RNASE4: variants seen among roughly 807,000 people sequenced by gnomAD.
RNASE4 encodes the protein ribonuclease A family member 4.
For missense variants in RNASE4, 194 were observed against 192.8 expected, an observed-to-expected ratio of 1.01 and a Z score of -0.04; for synonymous variants, 93 against 71.4, an observed-to-expected ratio of 1.30 and a Z score of -1.52.
intron 1 of RNASE4, among the ~76,000 whole-genome samples, chr14:20,689,235 A>G (rs1461630049): frequency 6.6e-6 from 1 of 152,230 alleles, no homozygotes; most frequent in Non-Finnish European, 1.5e-5. Context: ...TGTTTTTAGC[A>G]TTGTTTCCTT....
intron 1 of RNASE4, among the ~76,000 whole-genome samples, chr14:20,691,138 T>C (rs1467281912): frequency 6.6e-6 from 1 of 152,222 alleles, no homozygotes; most frequent in East Asian, 1.9e-4. Context: ...CCACAAGTTA[T>C]ACAGCATTGG....
intron 1 of RNASE4, among the ~76,000 whole-genome samples, chr14:20,685,118 G>A (rs1305154103): frequency 6.6e-6 from 1 of 152,136 alleles, no homozygotes; most frequent in Non-Finnish European, 1.5e-5. Flanking sequence ...CCAGCTTTTT[G>A]AAGCAGGCCT....
At position 20,693,583 on chromosome 14, in the gene RNASE4, GTTT is replaced by G. The variant is rs779244277; in HGVS notation, c.-17-5770_-17-5768del. ...GGAAGAGATGGTGATGGGCCTGGGC[GTTT>G]TGTTGTTGGTCTTCGTGCTGGGTCT... On this transcript the variant is annotated intron_variant, in intron 1 of 1. Transcript: ENST00000555835. 1.9e-6 allele frequency: 3 copies of G among 1,613,128 alleles called. No homozygotes were observed. The East Asian group carries it at 6.7e-5, about 36-fold the overall frequency.
chr14:20,685,041 G>A (rs896849803), intron 1 of RNASE4, among the ~76,000 whole-genome samples: 9 of 152,140 alleles, frequency 5.9e-5, no homozygotes, highest in African/African-American at 2.2e-4. Context: ...CCGAACCTAA[G>A]GGAAGCCCTA....
At chr14:20,695,381 C>A (rs193036224) in intron 1 of RNASE4, among the ~76,000 whole-genome samples, 108 of 140,090 alleles carry the variant, frequency 7.7e-4, no homozygotes, top group African/African-American at 2.8e-3. Context: ...GGCGACAGAG[C>A]GAGACTCCAT....
At chr14:20,689,508 G>A (rs2139007002) in intron 1 of RNASE4, among the ~76,000 whole-genome samples, 1 of 152,320 alleles carries the variant, frequency 6.6e-6, no homozygotes, top group South Asian at 2.1e-4. Context: ...TAACTCCCTG[G>A]TGTGTAAAAT....
intron 1 of RNASE4, among the ~76,000 whole-genome samples, chr14:20,695,653 T>C (rs988392306): frequency 5.3e-5 from 8 of 152,220 alleles, no homozygotes; most frequent in African/African-American, 1.9e-4. Context: ...AACACATAAT[T>C]ATTGTGGTCT....
intron 1 of RNASE4, among the ~76,000 whole-genome samples, chr14:20,697,713 T>A (rs1358543565): frequency 4.6e-5 from 7 of 152,196 alleles, no homozygotes; most frequent in Admixed American, 3.3e-4. Context: ...CCCATATACA[T>A]CAAACTAGGA....
At chr14:20,695,351 C>T (rs144616272) in intron 1 of RNASE4, among the ~76,000 whole-genome samples, 8,193 of 150,930 alleles carry the variant, frequency 0.054, 357 homozygotes, top group East Asian at 0.19. Context: ...GCCGAGATCA[C>T]GCCACTGCAC....
intron 1 of RNASE4, among the ~76,000 whole-genome samples, chr14:20,685,730 A>G (rs573184863): frequency 1.3e-5 from 2 of 152,284 alleles, no homozygotes; most frequent in Admixed American, 6.5e-5. Context: ...TTGTCTAGAA[A>G]GTACTAGTAT....
At chr14:20,689,667 C>T (rs940119104) in intron 1 of RNASE4, among the ~76,000 whole-genome samples, 22 of 151,990 alleles carry the variant, frequency 1.4e-4, no homozygotes, top group Non-Finnish European at 2.4e-4. Context: ...CTGTAATCCC[C>T]GCACTTTGGG....
intron 1 of RNASE4, among the ~76,000 whole-genome samples, chr14:20,685,951 ACT>A (rs1229294977): frequency 1.3e-5 from 2 of 151,062 alleles, no homozygotes; most frequent in East Asian, 1.9e-4. Context: ...GAGACAGGAG[ACT>A]CTCTTGAACC....
intron 1 of RNASE4, among the ~76,000 whole-genome samples, chr14:20,691,263 T>C (rs2139013845): frequency 6.6e-6 from 1 of 152,360 alleles, no homozygotes; most frequent in South Asian, 2.1e-4. Context: ...TCCTGATTTC[T>C]GATTTCTGGG....
At chr14:20,688,936 C>T (rs1334093767) in intron 1 of RNASE4, 1 of 866,126 alleles carries the variant, frequency 1.2e-6, no homozygotes, top group East Asian at 1.2e-4. Context: ...TTTAATGAAA[C>T]CATTTTCCTC....
intron 1 of RNASE4, among the ~76,000 whole-genome samples, chr14:20,689,802 G>A (rs915751747): frequency 6.6e-6 from 1 of 151,806 alleles, no homozygotes; most frequent in African/African-American, 2.4e-5. Flanking sequence ...TGTAATCCCA[G>A]CTACTTGGGA....
Position 20,699,639 on chromosome 14 carries a change from A to G in RNASE4, c.268A>G (p.Ile90Val), listed in dbSNP as rs1265245529. The change falls in exon 2 of 2, where the codon ATC becomes GTC. Residue 90 changes from isoleucine (I) to valine (V), a missense_variant. Coordinates refer to ENST00000555835, the MANE Select transcript of RNASE4 (RefSeq NM_002937.5). The stretch of plus-strand genomic sequence containing the variant: ...TCGTAGTATCTGCAGCACCACCAAT[A>G]TCCAATGCAAGAACGGCAAGATGAA... ...NIRSICSTTN[I>V]QCKNGKMNCH... 3.1e-6 allele frequency: 5 copies of G among 1,613,128 alleles called. No individual in the cohort carries two copies. In the Admixed American group the frequency reaches 6.7e-5, roughly 22 times the overall value.
intron 1 of RNASE4, among the ~76,000 whole-genome samples, chr14:20,688,408 C>G (rs114773250): frequency 8.2e-4 from 125 of 152,312 alleles, no homozygotes; most frequent in African/African-American, 2.9e-3. Flanking sequence ...AAGACCATAT[C>G]TTACTCTGTG....
Position 20,684,748 on chromosome 14 carries a change from C to T in RNASE4, c.-28C>T, listed in dbSNP as rs1169359944. On this transcript the variant is annotated 5_prime_UTR_variant, in exon 1 of 2. Transcript: ENST00000555835. ...TCCTGCCCGTTTCTGCGGACTTGTTCTGAGGCCGAGGTAGGTTCACACTCC... is the reference window on the plus strand; with the variant it reads ...TCCTGCCCGTTTCTGCGGACTTGTTTTGAGGCCGAGGTAGGTTCACACTCC... 1.3e-5 allele frequency: 2 copies of T among 152,802 alleles called. No homozygotes were observed. Among genetic ancestry groups the T allele is most frequent in the African/African-American group, 4.8e-5 (2 of 41,472 alleles). The allele number at this position is 152,802 out of a possible 1,614,324, so 9.5% of individuals were successfully genotyped here.
chr14:20,692,934 G>A (rs901863681), intron 1 of RNASE4, among the ~76,000 whole-genome samples: 4 of 151,960 alleles, frequency 2.6e-5, no homozygotes, highest in Non-Finnish European at 5.9e-5. Flanking sequence ...TGCAAGCTCC[G>A]CCTCCCGGGT....
Sources: allele counts gnomAD v4.1 joint callset (sites outside exome capture counted in the v4.1 genomes callset), GRCh38; gene constraint gnomAD v4.1.1; transcripts MANE v1.5; gene names NCBI Gene and HGNC (gene_info 2026-07-23, HGNC 2026-07-21).